The following WDR27 variants were observed in gnomAD, a reference collection of about 807,000 sequenced individuals.
The protein encoded by WDR27 is WD repeat domain 27, also known as WD repeat-containing protein 27.
In WDR27, 100 loss-of-function variants were observed where a neutral mutation model predicts 114.4. That is an observed-to-expected ratio of 0.87 (90% CI 0.74 to 1.03). The LOEUF is 1.03. WDR27 is among the 50% of genes least tolerant of loss of function. WDR27 has a pLI of 0.00. For missense variants in WDR27, 1,129 were observed against 1,092.9 expected (o/e 1.03, Z -0.47); for synonymous variants, 449 against 423.1 (o/e 1.06, Z -0.75).
In WDR27 at chr6:169,697,575, C is replaced by T. The variant is rs534996684; in HGVS notation, c.-8+3976G>A. On this transcript the variant is annotated intron_variant, in intron 1 of 25. Coordinates refer to ENST00000448612, the MANE Select transcript of WDR27 (RefSeq NM_182552.5). ...TGCTTCAGTGGTCACGCTCCTAGTCCGCCTTCAGGTTCCATCCGGTACACC... is the reference window on the plus strand; with the variant it reads ...TGCTTCAGTGGTCACGCTCCTAGTCTGCCTTCAGGTTCCATCCGGTACACC... Among the ~76,000 whole-genome samples the T allele has an allele frequency of 2.3e-3, 344 of 152,324 alleles. 2 individuals are homozygous for T. The highest frequency in any genetic ancestry group is 0.01 in the Middle Eastern group (3 of 294).
intron 2 of WDR27, among the ~76,000 whole-genome samples, chr6:169,678,966 T>G (rs769344625): frequency 6.6e-6 from 1 of 152,216 alleles, no homozygotes; most frequent in Non-Finnish European, 1.5e-5. Context: ...CTCTGAAGTC[T>G]GCTATCTGAG....
intron 25 of WDR27, among the ~76,000 whole-genome samples, chr6:169,570,116 C>A (rs750951645): frequency 6.6e-6 from 1 of 152,176 alleles, no homozygotes; most frequent in Non-Finnish European, 1.5e-5. Context: ...AGTGTATCCA[C>A]GTGGACTCGG....
chr6:169,556,189 G>A (rs1267739928), intron 25 of WDR27, among the ~76,000 whole-genome samples: 1 of 152,194 alleles, frequency 6.6e-6, no homozygotes, highest in African/African-American at 2.4e-5. Flanking sequence ...GGGGCCTCAG[G>A]GAGCTGATGA....
chr6:169,526,659 A>G (rs1795003224), intron 25 of WDR27, among the ~76,000 whole-genome samples: 1 of 152,186 alleles, frequency 6.6e-6, no homozygotes. Flanking sequence ...CATCCAAAAA[A>G]ATAAATGAAA....
At chr6:169,614,067 A>G (rs1388771562) in intron 21 of WDR27, among the ~76,000 whole-genome samples, 1 of 152,052 alleles carries the variant, frequency 6.6e-6, no homozygotes, top group East Asian at 1.9e-4. Context: ...CCTAAATGAC[A>G]CTCAGCAGGC....
intron 22 of WDR27, among the ~76,000 whole-genome samples, chr6:169,602,935 G>A (rs111686207): frequency 0.045 from 6,810 of 149,888 alleles, 426 homozygotes; most frequent in African/African-American, 0.14. Flanking sequence ...TCTGCCTCCC[G>A]GGTTCAAGCA....
intron 25 of WDR27, among the ~76,000 whole-genome samples, chr6:169,571,974 T>C (rs1801502039): frequency 6.6e-6 from 1 of 152,192 alleles, no homozygotes. Flanking sequence ...AGTCAGGAAT[T>C]AAAAATTATT....
chr6:169,513,193 T>G (rs1223864700), intron 25 of WDR27, among the ~76,000 whole-genome samples: 6 of 152,146 alleles, frequency 3.9e-5, no homozygotes, highest in Non-Finnish European at 8.8e-5. Flanking sequence ...TGGGGGCACC[T>G]AGACAGTCTC....
intron 13 of WDR27, among the ~76,000 whole-genome samples, chr6:169,652,680 T>C (rs1317127003): frequency 1.3e-5 from 2 of 152,234 alleles, no homozygotes; most frequent in African/African-American, 2.4e-5. Context: ...AAATGAAACA[T>C]ATCCATTAAT....
At chr6:169,622,221 G>A (rs944533160) in intron 21 of WDR27, among the ~76,000 whole-genome samples, 4 of 152,176 alleles carry the variant, frequency 2.6e-5, no homozygotes, top group Non-Finnish European at 5.9e-5. Context: ...TCTTATGTAT[G>A]TTGACTGATG....
chr6:169,570,698 G>A (rs549858914), intron 25 of WDR27, among the ~76,000 whole-genome samples: 89 of 152,178 alleles, frequency 5.8e-4, no homozygotes, highest in African/African-American at 1.3e-3. Flanking sequence ...GCGTGGTGGC[G>A]GGCACCTGTA....
intron 25 of WDR27, among the ~76,000 whole-genome samples, chr6:169,551,554 G>A (rs9371138): frequency 0.11 from 16,776 of 151,908 alleles, 1,931 homozygotes; most frequent in East Asian, 0.59. Context: ...GGCCAACATG[G>A]TGAAACCCTG....
intron 14 of WDR27, among the ~76,000 whole-genome samples, chr6:169,651,491 A>G (rs1317971433): frequency 1.3e-5 from 2 of 152,084 alleles, no homozygotes; most frequent in African/African-American, 4.8e-5. Context: ...GCCTTTGAGC[A>G]GTCTTGCTAA....
chr6:169,593,378 T>A (rs1806142435), intron 23 of WDR27, among the ~76,000 whole-genome samples: 1 of 152,212 alleles, frequency 6.6e-6, no homozygotes, highest in South Asian at 2.1e-4. Context: ...ACTCAACCAT[T>A]TGTATAGAGG....
chr6:169,562,952 T>G (rs1799878337), intron 25 of WDR27, among the ~76,000 whole-genome samples: 1 of 151,412 alleles, frequency 6.6e-6, no homozygotes, highest in African/African-American at 2.4e-5. Context: ...TGGCTCAGAG[T>G]CCGGACTGTG....
chr6:169,696,566 G>A (rs768134962), intron 1 of WDR27, among the ~76,000 whole-genome samples: 8 of 152,298 alleles, frequency 5.3e-5, no homozygotes, highest in Middle Eastern at 3.4e-3. Flanking sequence ...AAGACAATCC[G>A]AAGACCTGAA....
chr6:169,480,723 A>T (rs1158895086), intron 25 of WDR27, among the ~76,000 whole-genome samples: 2 of 152,142 alleles, frequency 1.3e-5, no homozygotes, highest in Non-Finnish European at 2.9e-5. Context: ...AAACACACCA[A>T]TCAGTGCTCT....
intron 22 of WDR27, 22 bp from the exon 23 acceptor site, chr6:169,602,343 C>A (rs747267668): frequency 4.8e-6 from 7 of 1,465,948 alleles, no homozygotes; most frequent in East Asian, 5.0e-5. Context: ...AAAGAAACAC[C>A]AGGAGAAAAA....
rs142488738 is a variant in WDR27, at chr6:169,572,500, T to C, written c.2564A>G (p.His855Arg). The C allele has an allele frequency of 0.1, 13,764 of 132,582 alleles. 1,648 individuals carry two copies. Among genetic ancestry groups the C allele is most frequent in the East Asian group, 0.6 (2,811 of 4,720 alleles). 8.2% of individuals were successfully genotyped at this position (132,582 alleles called of 1,614,324 possible). Reference protein sequence around the residue: ...RSVAHAGVQWHDLGSLQPPPS... With the variant: ...RSVAHAGVQWRDLGSLQPPPS... ...CGGAGGTTGCAGTGAACCGAGATCGTGCCACTGCACTCCAGCGTGGGCGAC... is the reference window on the plus strand; with the variant it reads ...CGGAGGTTGCAGTGAACCGAGATCGCGCCACTGCACTCCAGCGTGGGCGAC... The change falls in exon 25 of 26, where the codon CAC becomes CGC. Residue 855 changes from histidine (H) to arginine (R), a missense_variant. Coordinates refer to ENST00000448612, the MANE Select transcript of WDR27 (RefSeq NM_182552.5).
Sources: allele counts gnomAD v4.1 joint callset (sites outside exome capture counted in the v4.1 genomes callset), GRCh38; gene constraint gnomAD v4.1.1; transcripts MANE v1.5; gene names NCBI Gene and HGNC (gene_info 2026-07-23, HGNC 2026-07-21).